SAMMSON: variants seen among roughly 807,000 people sequenced by gnomAD.
SAMMSON encodes the protein long intergenic non-protein coding RNA 1212.
intron 9 of SAMMSON, among the ~76,000 whole-genome samples, chr3:70,369,316 G>C (rs1702946140): frequency 6.6e-6 from 1 of 151,580 alleles, no homozygotes; most frequent in South Asian, 2.1e-4. Context: ...TGTGAGTAAA[G>C]ACAGTTTTAT....
chr3:70,329,359 T>C (rs890202767), intron 7 of SAMMSON, among the ~76,000 whole-genome samples: 9 of 152,122 alleles, frequency 5.9e-5, no homozygotes, highest in South Asian at 2.1e-4. Flanking sequence ...CTTTTGCTGC[T>C]GTTACATTTC....
At chr3:70,392,660 G>C (rs1701059957), downstream of SAMMSON, among the ~76,000 whole-genome samples, 1 of 152,110 alleles carries the variant, frequency 6.6e-6, no homozygotes, top group Non-Finnish European at 1.5e-5. Flanking sequence ...TGCGAATTCA[G>C]CCTCTACCAT....
chr3:70,278,970 G>A (rs1220268488), intron 6 of SAMMSON, among the ~76,000 whole-genome samples: 1 of 151,122 alleles, frequency 6.6e-6, no homozygotes, highest in Non-Finnish European at 1.5e-5. Flanking sequence ...GGTGGTCAAG[G>A]AAAACAGTGA....
intron 3 of SAMMSON, among the ~76,000 whole-genome samples, chr3:70,018,512 T>C (rs551715711): frequency 0.011 from 1,614 of 152,300 alleles, 28 homozygotes; most frequent in African/African-American, 0.037. Context: ...TCAATTTTGT[T>C]GATCTTTTCA....
intron 4 of SAMMSON, among the ~76,000 whole-genome samples, chr3:70,245,006 C>T (rs1415077071): frequency 1.3e-5 from 2 of 152,050 alleles, no homozygotes; most frequent in Non-Finnish European, 2.9e-5. Context: ...GCCAGTGAGC[C>T]CTGGTCCCAG....
intron 6 of SAMMSON, among the ~76,000 whole-genome samples, chr3:70,267,575 T>G (rs866508922): frequency 0.38 from 33,560 of 88,290 alleles, 4,814 homozygotes; most frequent in Non-Finnish European, 0.44. Flanking sequence ...GCTAATTTTT[T>G]GTATTTTTTT....
intron 6 of SAMMSON, among the ~76,000 whole-genome samples, chr3:70,269,162 C>T (rs914020923): frequency 1.3e-4 from 20 of 151,998 alleles, no homozygotes; most frequent in African/African-American, 4.8e-4. Flanking sequence ...TATTTTTAAA[C>T]ATCTGTGGAA....
At chr3:70,154,228 T>C (rs1394734338) in intron 4 of SAMMSON, among the ~76,000 whole-genome samples, 2 of 152,054 alleles carry the variant, frequency 1.3e-5, no homozygotes, top group Admixed American at 6.6e-5. Flanking sequence ...AGCAATACTA[T>C]ATAGGGATTT....
At chr3:70,294,646 A>T (rs965330707) in intron 7 of SAMMSON, among the ~76,000 whole-genome samples, 1 of 152,278 alleles carries the variant, frequency 6.6e-6, no homozygotes, top group East Asian at 1.9e-4. Flanking sequence ...CAACTCAAAC[A>T]GGCTCAAAAA....
At chr3:70,330,679 CA>C (rs1702616201) in intron 7 of SAMMSON, among the ~76,000 whole-genome samples, 1 of 151,892 alleles carries the variant, frequency 6.6e-6, no homozygotes. Flanking sequence ...TAAAAGTAAC[CA>C]AGTGAAGTAT....
intron 7 of SAMMSON, among the ~76,000 whole-genome samples, chr3:70,302,121 A>G (rs1290444148): frequency 6.6e-6 from 1 of 152,138 alleles, no homozygotes; most frequent in African/African-American, 2.4e-5. Flanking sequence ...TGGCAAAACT[A>G]CTGTCATTGC....
At chr3:70,115,121 T>C (rs1189789436) in intron 4 of SAMMSON, among the ~76,000 whole-genome samples, 1 of 151,514 alleles carries the variant, frequency 6.6e-6, no homozygotes, top group Non-Finnish European at 1.5e-5. Flanking sequence ...CACATATTCA[T>C]TAAGTGCCTG....
intron 4 of SAMMSON, among the ~76,000 whole-genome samples, chr3:70,146,985 A>G (rs1247113667): frequency 2.0e-5 from 3 of 152,078 alleles, no homozygotes; most frequent in Non-Finnish European, 2.9e-5. Context: ...GACAGGATCC[A>G]TAATCAACAC....
intron 7 of SAMMSON, among the ~76,000 whole-genome samples, chr3:70,319,014 G>A (rs957272834): frequency 3.9e-5 from 6 of 151,992 alleles, no homozygotes; most frequent in African/African-American, 1.2e-4. Flanking sequence ...TATTAACTGT[G>A]ATACCTATGT....
chr3:70,064,725 G>A (rs372188060), intron 3 of SAMMSON, among the ~76,000 whole-genome samples: 13 of 152,030 alleles, frequency 8.6e-5, no homozygotes, highest in Admixed American at 1.3e-4. Flanking sequence ...AAGTCATGGC[G>A]CGTCTTTGCT....
At chr3:70,200,272 T>C (rs1253464388) in intron 4 of SAMMSON, among the ~76,000 whole-genome samples, 1 of 152,182 alleles carries the variant, frequency 6.6e-6, no homozygotes, top group Non-Finnish European at 1.5e-5. Context: ...TCAGTATTTT[T>C]AATTCTAAAT....
At chr3:70,364,016 T>C (rs1702899360) in intron 9 of SAMMSON, among the ~76,000 whole-genome samples, 2 of 151,942 alleles carry the variant, frequency 1.3e-5, no homozygotes. Flanking sequence ...TCTTGAGATC[T>C]TATCTGTTGA....
chr3:70,290,120 TAGG>T (rs1045366514), intron 6 of SAMMSON, among the ~76,000 whole-genome samples: 74 of 152,182 alleles, frequency 4.9e-4, no homozygotes, highest in African/African-American at 1.8e-3. Flanking sequence ...CGTTCCTTTG[TAGG>T]AGGAGAGGCG....
chr3:70,285,157 C>A lies in SAMMSON; in HGVS notation n.675-6022C>A, dbSNP rs1475239830. Among the ~76,000 whole-genome samples, 3 of 151,080 alleles carry A rather than the reference C, an allele frequency of 2.0e-5. No homozygotes were observed. The East Asian group carries it at 5.9e-4, about 29-fold the overall frequency. Reference sequence around the variant, plus strand: ...GTGCCATGCTGGTGCACTGCACCCACTAACTTGTCATCTAGCATTAGGTAT... The same window carrying A: ...GTGCCATGCTGGTGCACTGCACCCAATAACTTGTCATCTAGCATTAGGTAT... On this transcript the variant is annotated intron_variant and non_coding_transcript_variant, in intron 6 of 9. Transcript: ENST00000642114.
Sources: gnomAD v4.1 joint callset for allele counts (sites outside exome capture counted in the v4.1 genomes callset) on GRCh38, gnomAD v4.1.1 for gene constraint, MANE v1.5 for transcripts, NCBI Gene and HGNC (gene_info 2026-07-23, HGNC 2026-07-21) for gene names.